The following FSHR variants were observed in gnomAD, a reference collection of about 807,000 sequenced individuals.
FSHR encodes the protein follicle stimulating hormone receptor, also known as follicle-stimulating hormone receptor.
A neutral mutation model predicts 52.1 loss-of-function variants in FSHR; 46 were observed. That is an observed-to-expected ratio of 0.88 (90% confidence interval 0.70 to 1.13). FSHR has a LOEUF of 1.13. Ranked by LOEUF, FSHR falls within the 50% of genes most tolerant of loss-of-function variation. The pLI, the probability that FSHR is intolerant of heterozygous loss-of-function variation, is 0.00. For missense variants in FSHR, 964 were observed against 834.6 expected, an observed-to-expected ratio of 1.16 and a Z score of -1.91; for synonymous variants, 399 against 309.6, an observed-to-expected ratio of 1.29 and a Z score of -3.03.
intron 2 of FSHR, among the ~76,000 whole-genome samples, chr2:49,058,044 T>C (rs1669129749): frequency 6.6e-6 from 1 of 152,168 alleles, no homozygotes; most frequent in African/African-American, 2.4e-5. Flanking sequence ...ATATATGACA[T>C]ACCTTCAGCT....
At chr2:49,012,596 A>G (rs1559134430) in intron 4 of FSHR, among the ~76,000 whole-genome samples, 2 of 152,128 alleles carry the variant, frequency 1.3e-5, no homozygotes, top group East Asian at 1.9e-4. Flanking sequence ...CAAGTCAAGT[A>G]GCAACTCACC....
At chr2:49,048,076 G>A (rs192736154) in intron 2 of FSHR, among the ~76,000 whole-genome samples, 21 of 152,034 alleles carry the variant, frequency 1.4e-4, no homozygotes, top group African/African-American at 5.1e-4. Context: ...AGTAGAGATG[G>A]GCTTTCATCA....
chr2:49,124,231 G>A (rs987582356), intron 1 of FSHR, among the ~76,000 whole-genome samples: 33 of 150,706 alleles, frequency 2.2e-4, no homozygotes, highest in Non-Finnish European at 3.7e-4. Flanking sequence ...TCCTGACCTC[G>A]TGATCCACCC....
At chr2:49,135,711 G>T (rs1672466271) in intron 1 of FSHR, among the ~76,000 whole-genome samples, 1 of 152,012 alleles carries the variant, frequency 6.6e-6, no homozygotes, top group Non-Finnish European at 1.5e-5. Flanking sequence ...ACTACTAATA[G>T]CCTACTGTCA....
chr2:49,021,876 TATATATATATAGAG>T lies in FSHR; in HGVS notation c.225-1730_225-1717del, dbSNP rs1667725688. On this transcript the variant is annotated intron_variant, in intron 2 of 9. Transcript: ENST00000406846. ...CTCTCTCTCTCTCTATATATATATA[TATATATATATAGAG>T]AGAGAGAGAGAGAGAGAGAGAGAGA... Among the ~76,000 whole-genome samples, 4 of 65,190 alleles carry T rather than the reference TATATATATATAGAG, an allele frequency of 6.1e-5. 1 individual carries two copies. The highest frequency in any genetic ancestry group is 4.0e-4 in the Admixed American group (2 of 5,060). The allele number at this position is 65,190 out of a possible 152,430, so 42.8% of individuals were successfully genotyped here.
intron 4 of FSHR, among the ~76,000 whole-genome samples, chr2:49,009,167 G>A (rs1288490583): frequency 9.2e-5 from 14 of 151,426 alleles, no homozygotes; most frequent in East Asian, 3.9e-4. Flanking sequence ...TAGGTCTAAC[G>A]TTTAAGTCTT....
intron 1 of FSHR, among the ~76,000 whole-genome samples, chr2:49,126,891 C>T (rs1480294780): frequency 2.6e-5 from 4 of 152,198 alleles, no homozygotes; most frequent in Admixed American, 1.3e-4. Context: ...ACCATCCATG[C>T]AATATCTCTG....
At chr2:48,976,340 T>C (rs1674986852) in intron 8 of FSHR, among the ~76,000 whole-genome samples, 2 of 152,220 alleles carry the variant, frequency 1.3e-5, no homozygotes, top group Admixed American at 1.3e-4. Context: ...TGAAGCTGAC[T>C]TGATCGTGGT....
chr2:48,976,046 G>A (rs1489130141), intron 8 of FSHR, among the ~76,000 whole-genome samples: 3 of 152,164 alleles, frequency 2.0e-5, no homozygotes, highest in African/African-American at 7.2e-5. Context: ...GTGAGAGAGG[G>A]CATCTTTGTC....
At chr2:48,997,328 C>G (rs1156247259) in intron 4 of FSHR, 1 of 985,134 alleles carries the variant, frequency 1.0e-6, no homozygotes, top group Non-Finnish European at 1.2e-6. Flanking sequence ...CTCTTTGTCT[C>G]AGTCTCCATG....
intron 2 of FSHR, among the ~76,000 whole-genome samples, chr2:49,023,680 C>T (rs568676666): frequency 6.6e-6 from 1 of 152,212 alleles, no homozygotes; most frequent in African/African-American, 2.4e-5. Context: ...CAGTTGAGGT[C>T]CTTGAATTGA....
intron 4 of FSHR, among the ~76,000 whole-genome samples, chr2:49,005,171 G>A (rs1034050288): frequency 2.0e-5 from 3 of 152,088 alleles, no homozygotes; most frequent in Non-Finnish European, 2.9e-5. Context: ...TCAGGAGAAC[G>A]CATACTGAAC....
intron 1 of FSHR, among the ~76,000 whole-genome samples, chr2:49,110,457 A>T (rs1671383551): frequency 6.6e-6 from 1 of 152,100 alleles, no homozygotes; most frequent in South Asian, 2.1e-4. Context: ...CTAGGTGGGG[A>T]TACTACATCC....
chr2:49,079,821 AAAC>A (rs1670099825), intron 1 of FSHR, among the ~76,000 whole-genome samples: 1 of 152,168 alleles, frequency 6.6e-6, no homozygotes. Flanking sequence ...TTTTTTAAAA[AAAC>A]ACACAAAAAT....
At chr2:49,101,751 A>C (rs1671035735) in intron 1 of FSHR, among the ~76,000 whole-genome samples, 1 of 152,196 alleles carries the variant, frequency 6.6e-6, no homozygotes, top group Non-Finnish European at 1.5e-5. Context: ...TGAAGGAATC[A>C]GAAATCTATA....
chr2:49,093,019 C>G (rs567969320), intron 1 of FSHR, among the ~76,000 whole-genome samples: 19 of 152,178 alleles, frequency 1.2e-4, no homozygotes, highest in Non-Finnish European at 2.4e-4. Context: ...CCCATTTGAT[C>G]ATTGTGAATA....
chr2:49,140,569 G>A (rs753281464), intron 1 of FSHR, among the ~76,000 whole-genome samples: 1 of 151,956 alleles, frequency 6.6e-6, no homozygotes, highest in African/African-American at 2.4e-5. Flanking sequence ...GCATGATGGT[G>A]CGTGCCTGTA....
chr2:49,081,666 T>A (rs1053505792), intron 1 of FSHR, among the ~76,000 whole-genome samples: 21 of 152,210 alleles, frequency 1.4e-4, no homozygotes, highest in East Asian at 5.8e-4. Context: ...CTAAAAAAAA[T>A]TTTTTTGTCA....
rs545288318 is a variant in FSHR at position 49,105,645 on chromosome 2, A to G, written c.153-37355T>C. ...GTGCCCTGTTGGCTCTCATTTCCCA[A>G]AGGCCCATCCCAGTCTCCACATTGA... On this transcript the variant is annotated intron_variant, in intron 1 of 9. Transcript: ENST00000406846. Among the ~76,000 whole-genome samples, 7 of 152,244 alleles carry G rather than the reference A, an allele frequency of 4.6e-5. No homozygotes were observed. The South Asian group carries it at 1.4e-3, about 32-fold the overall frequency.
Sources: gnomAD v4.1 joint callset for allele counts (sites outside exome capture counted in the v4.1 genomes callset) on GRCh38, gnomAD v4.1.1 for gene constraint, MANE v1.5 for transcripts, NCBI Gene and HGNC (gene_info 2026-07-23, HGNC 2026-07-21) for gene names.